CHMP4B: variants seen among roughly 807,000 people sequenced by gnomAD.
CHMP4B encodes the protein charged multivesicular body protein 4B.
A neutral mutation model predicts 25.1 loss-of-function variants in CHMP4B; 1 was observed. The observed-to-expected ratio is 0.04, with a 90% CI of 0.01 to 0.19. The LOEUF is 0.19. Among genes scored for constraint, CHMP4B ranks in the 10% least tolerant of loss-of-function variants. CHMP4B has a pLI of 1.00. For synonymous variants in CHMP4B, 101 were observed against 115.6 expected (o/e 0.87, Z 0.81); for missense variants, 151 against 289.7 (o/e 0.52, Z 3.48).
At chr20:33,836,452 A>G (rs1979394000) in intron 1 of CHMP4B, among the ~76,000 whole-genome samples, 1 of 151,958 alleles carries the variant, frequency 6.6e-6, no homozygotes, top group Non-Finnish European at 1.5e-5. Context: ...AGGCCCTCCA[A>G]GAAGAATTAT....
rs143339262 is a variant in CHMP4B at position 33,831,328 on chromosome 20, C to T, written c.191-17139C>T. On this transcript the variant is annotated intron_variant, in intron 1 of 4. Coordinates refer to ENST00000217402, the MANE Select transcript of CHMP4B (RefSeq NM_176812.5). ...CTCGAACTCCTGACCTCAAGTGATC[C>T]GCCCACCTCGGCCTTCCAAAGTGCT... Among the ~76,000 whole-genome samples, 408 of 152,230 alleles carry T rather than the reference C, an allele frequency of 2.7e-3. 14 individuals are homozygous for T. In the East Asian group the frequency reaches 0.074, roughly 28 times the overall value.
At chr20:33,821,050 C>T (rs1978925396) in intron 1 of CHMP4B, among the ~76,000 whole-genome samples, 1 of 152,050 alleles carries the variant, frequency 6.6e-6, no homozygotes, top group Non-Finnish European at 1.5e-5. Context: ...ACTAAGAAAC[C>T]TGAGCAGTGG....
At chr20:33,829,568 G>A (rs1278485795) in intron 1 of CHMP4B, among the ~76,000 whole-genome samples, 2 of 152,178 alleles carry the variant, frequency 1.3e-5, no homozygotes, top group Non-Finnish European at 1.5e-5. Context: ...CTTTGGTTGA[G>A]TAATTAAAAA....
At chr20:33,851,783 G>GC (rs1979857389) in intron 3 of CHMP4B, among the ~76,000 whole-genome samples, 1 of 152,166 alleles carries the variant, frequency 6.6e-6, no homozygotes, top group Non-Finnish European at 1.5e-5. Context: ...TCACTCGTGT[G>GC]CCCAGCTCTG....
chr20:33,811,695 TC>T (rs1335743657), intron 1 of CHMP4B, 37 bp downstream of exon 1: 4 of 1,597,916 alleles, frequency 2.5e-6, no homozygotes, highest in Admixed American at 1.7e-5. Flanking sequence ...TGCCACGGGC[TC>T]CCCCCAGGCT....
chr20:33,853,917 G>A lies in CHMP4B; in HGVS notation c.*357G>A, dbSNP rs780973758. The A allele has an allele frequency of 3.5e-5, 13 of 375,742 alleles. No homozygotes were observed. The highest frequency in any genetic ancestry group is 1.7e-3 in the Middle Eastern group (2 of 1,200). 23.3% of individuals were successfully genotyped at this position (375,742 alleles called of 1,614,324 possible). ...GGTTGCAGTTGAAATGACCTGAAAT[G>A]TAGCCTCTGTCCTTGTAAGTCAGTT... On this transcript the variant is annotated 3_prime_UTR_variant, in exon 5 of 5. Coordinates refer to ENST00000217402, the MANE Select transcript of CHMP4B (RefSeq NM_176812.5).
At chr20:33,832,959 T>A (rs868318308) in intron 1 of CHMP4B, among the ~76,000 whole-genome samples, 95 of 38,310 alleles carry the variant, frequency 2.5e-3, no homozygotes, top group East Asian at 0.04. Context: ...AAAAAAAATT[T>A]TTTTTTTTTT....
intron 1 of CHMP4B, among the ~76,000 whole-genome samples, chr20:33,828,055 T>C (rs902919370): frequency 6.6e-6 from 1 of 152,236 alleles, no homozygotes; most frequent in Admixed American, 6.5e-5. Flanking sequence ...CTTAGGAATA[T>C]GGTAAACATT....
chr20:33,841,336 A>G (rs1003056335), intron 1 of CHMP4B, among the ~76,000 whole-genome samples: 1 of 152,196 alleles, frequency 6.6e-6, no homozygotes, highest in African/African-American at 2.4e-5. Flanking sequence ...GAACAGGGAG[A>G]TACATCACAG....
chr20:33,845,341 G>A (rs887911088), intron 1 of CHMP4B, among the ~76,000 whole-genome samples: 9 of 150,482 alleles, frequency 6.0e-5, no homozygotes, highest in African/African-American at 1.5e-4. Context: ...TCTTGCCCCC[G>A]AGATGGAGTC....
At chr20:33,850,764 A>C (rs1369864408) in intron 2 of CHMP4B, among the ~76,000 whole-genome samples, 188 bp from the exon 3 acceptor site, 1 of 152,170 alleles carries the variant, frequency 6.6e-6, no homozygotes, top group African/African-American at 2.4e-5. Context: ...CGTCCCCTTG[A>C]GTCTATGATT....
chr20:33,840,826 T>C (rs946662145), intron 1 of CHMP4B, among the ~76,000 whole-genome samples: 1 of 152,250 alleles, frequency 6.6e-6, no homozygotes, highest in Non-Finnish European at 1.5e-5. Context: ...TGCCAGGTGC[T>C]TTACATACAT....
At chr20:33,814,184 C>T (rs1978719452) in intron 1 of CHMP4B, among the ~76,000 whole-genome samples, 1 of 152,190 alleles carries the variant, frequency 6.6e-6, no homozygotes, top group Non-Finnish European at 1.5e-5. Context: ...GTAACCTACC[C>T]TTCTTTTTAG....
chr20:33,820,283 C>T (rs947507559), intron 1 of CHMP4B, among the ~76,000 whole-genome samples: 7 of 152,142 alleles, frequency 4.6e-5, no homozygotes, highest in African/African-American at 1.4e-4. Flanking sequence ...TTTGTATGCC[C>T]ATCAAAGTTT....
chr20:33,839,861 G>A lies in CHMP4B; in HGVS notation c.191-8606G>A, dbSNP rs577959048. 2.0e-5 allele frequency among the ~76,000 whole-genome samples: 3 copies of A among 152,308 alleles called. No homozygotes were observed. The East Asian group carries it at 5.8e-4, about 29-fold the overall frequency. ...CTTGGGCAGGTGATAAACTCTTTGA[G>A]CCTCAATACCCTGGCCTTTCAAGTG... On this transcript the variant is annotated intron_variant, in intron 1 of 4. Transcript: ENST00000217402.
chr20:33,840,867 G>A (rs1979521470), intron 1 of CHMP4B, among the ~76,000 whole-genome samples: 1 of 152,140 alleles, frequency 6.6e-6, no homozygotes, highest in Admixed American at 6.5e-5. Flanking sequence ...ATAACCCTAT[G>A]AGGTGCGTGT....
In CHMP4B at chr20:33,853,700, G is replaced by T; in HGVS notation, c.*140G>T. ...TCTCACTCCAAAGCAGTAGGGCCGCGTTGCTGCTCACTCTCTGCATAGCAT... is the reference window on the plus strand; with the variant it reads ...TCTCACTCCAAAGCAGTAGGGCCGCTTTGCTGCTCACTCTCTGCATAGCAT... On this transcript the variant is annotated 3_prime_UTR_variant, in exon 5 of 5. Transcript: ENST00000217402. 4.2e-6 allele frequency: 2 copies of T among 475,868 alleles called. No individual in the cohort carries two copies. The highest frequency in any genetic ancestry group is 8.0e-6 in the Non-Finnish European group (2 of 249,424). 29.5% of individuals were successfully genotyped at this position (475,868 alleles called of 1,614,324 possible). A position where few individuals can be genotyped will look rare whatever the true frequency, so the allele number is the denominator to read the frequency against.
chr20:33,812,361 G>C (rs1978653367), intron 1 of CHMP4B, among the ~76,000 whole-genome samples: 1 of 152,098 alleles, frequency 6.6e-6, no homozygotes, highest in Non-Finnish European at 1.5e-5. Context: ...CCTTACCAAA[G>C]TTTCCCGTGG....
At chr20:33,845,653 C>T (rs187507730) in intron 1 of CHMP4B, among the ~76,000 whole-genome samples, 24 of 152,278 alleles carry the variant, frequency 1.6e-4, no homozygotes, top group African/African-American at 5.5e-4. Context: ...TAATGATGGG[C>T]TGGACTGTGG....
Sources: allele counts gnomAD v4.1 joint callset (sites outside exome capture counted in the v4.1 genomes callset), GRCh38; gene constraint gnomAD v4.1.1; transcripts MANE v1.5; gene names NCBI Gene and HGNC (gene_info 2026-07-23, HGNC 2026-07-21).